Variants in CBLN2 observed in about 807,000 individuals in gnomAD.
CBLN2 encodes cerebellin-2.
In CBLN2, 7 loss-of-function variants were observed where a neutral mutation model predicts 15.0. That is an observed-to-expected ratio of 0.47 (90% CI 0.27 to 0.88). The LOEUF (loss-of-function observed/expected upper bound fraction) is 0.88, where lower values mean the gene tolerates loss of function less well. Among genes scored for constraint, CBLN2 ranks in the 40% least tolerant of loss-of-function variants. The pLI is 0.14. For synonymous variants in CBLN2, 149 were observed against 135.2 expected, an observed-to-expected ratio of 1.10 and a Z score of -0.71; for missense variants, 242 against 304.5, an observed-to-expected ratio of 0.79 and a Z score of 1.53.
At chr18:72,556,541 A>G (rs2069227965) in intron 1 of CBLN2, among the ~76,000 whole-genome samples, 1 of 152,234 alleles carries the variant, frequency 6.6e-6, no homozygotes, top group African/African-American at 2.4e-5. Context: ...TGTTGCCTGC[A>G]TTTGGTGTGG....
chr18:72,538,068 G>T lies in CBLN2; in HGVS notation c.*108C>A. On this transcript the variant is annotated 3_prime_UTR_variant, in exon 5 of 5. Coordinates refer to ENST00000269503, the MANE Select transcript of CBLN2 (RefSeq NM_182511.4). ...AATCATTCTTCTACTGCAACAGTCT[G>T]ACGGAGGTTGGAAACAAGGTGTCCA... The T allele has an allele frequency of 9.2e-7, 1 of 1,087,904 alleles. No homozygotes were observed. The highest frequency in any genetic ancestry group is 1.4e-5 in the South Asian group (1 of 72,372). 67.4% of individuals were successfully genotyped at this position (1,087,904 alleles called of 1,614,324 possible). A position where few individuals can be genotyped will look rare whatever the true frequency, so the allele number is the denominator to read the frequency against.
At chr18:72,622,765 A>T (rs2144968536) in intron 1 of CBLN2, among the ~76,000 whole-genome samples, 1 of 152,302 alleles carries the variant, frequency 6.6e-6, no homozygotes, top group South Asian at 2.1e-4. Context: ...CTGTAGTGAA[A>T]AATGACAGGT....
chr18:72,602,427 C>T (rs1467795795), intron 1 of CBLN2, among the ~76,000 whole-genome samples: 1 of 152,144 alleles, frequency 6.6e-6, no homozygotes, highest in Non-Finnish European at 1.5e-5. Flanking sequence ...TCTCTTTCTT[C>T]TGTCAACATT....
At chr18:72,563,206 C>T (rs527589423) in intron 1 of CBLN2, among the ~76,000 whole-genome samples, 1 of 152,136 alleles carries the variant, frequency 6.6e-6, no homozygotes, top group Non-Finnish European at 1.5e-5. Context: ...AAAGGGAAAC[C>T]TAAAAGATGC....
At chr18:72,589,096 G>A (rs892387517) in intron 1 of CBLN2, among the ~76,000 whole-genome samples, 1 of 152,088 alleles carries the variant, frequency 6.6e-6, no homozygotes, top group Non-Finnish European at 1.5e-5. Context: ...TCGGTGGGAG[G>A]CAAGAATGGA....
chr18:72,622,350 T>A (rs760873349), intron 1 of CBLN2, among the ~76,000 whole-genome samples: 1 of 151,996 alleles, frequency 6.6e-6, no homozygotes, highest in Admixed American at 6.6e-5. Context: ...TTTAATCAGA[T>A]GCAACTAGAT....
chr18:72,542,597 G>A (rs1033663618), intron 2 of CBLN2, among the ~76,000 whole-genome samples: 3 of 152,218 alleles, frequency 2.0e-5, no homozygotes, highest in Admixed American at 6.5e-5. Context: ...TCGCTAAGAC[G>A]GGCCCCGAGA....
At chr18:72,550,997 A>G (rs140093978) in intron 1 of CBLN2, among the ~76,000 whole-genome samples, 1 of 152,218 alleles carries the variant, frequency 6.6e-6, no homozygotes, top group South Asian at 2.1e-4. Flanking sequence ...TGCAGGGCAC[A>G]GTGTAAGAGT....
intron 1 of CBLN2, among the ~76,000 whole-genome samples, chr18:72,601,882 C>T (rs546370887): frequency 2.2e-4 from 34 of 152,322 alleles, no homozygotes; most frequent in African/African-American, 7.7e-4. Flanking sequence ...TTCCTTCTCC[C>T]TTTGGCTCTA....
intron 1 of CBLN2, among the ~76,000 whole-genome samples, chr18:72,623,101 G>T (rs1330812296): frequency 6.6e-6 from 1 of 152,058 alleles, no homozygotes; most frequent in Non-Finnish European, 1.5e-5. Flanking sequence ...GAGAGCGAAG[G>T]GGGAGGTGCT....
At chr18:72,564,660 A>G (rs1256077593) in intron 1 of CBLN2, among the ~76,000 whole-genome samples, 3 of 152,236 alleles carry the variant, frequency 2.0e-5, no homozygotes, top group African/African-American at 7.2e-5. Context: ...ATGAGATACC[A>G]TTATGTGAAC....
chr18:72,615,204 A>C (rs1255960945), intron 1 of CBLN2, among the ~76,000 whole-genome samples: 1 of 136,664 alleles, frequency 7.3e-6, no homozygotes, highest in Admixed American at 7.9e-5. Context: ...ATATATATTT[A>C]TATATGTGTA....
At chr18:72,625,812 CTCTCTCTA>C (rs58210194) in intron 1 of CBLN2, among the ~76,000 whole-genome samples, 6,896 of 68,652 alleles carry the variant, frequency 0.1, 199 homozygotes, top group African/African-American at 0.14. Context: ...CTCTCTCTCT[CTCTCTCTA>C]TATATATATA....
rs77978175 is a variant in CBLN2, at chr18:72,622,392, A to G, written c.15+15933T>C. Among the ~76,000 whole-genome samples the G allele has an allele frequency of 5.3e-5, 8 of 152,034 alleles. No individual in the cohort carries two copies. The East Asian group carries it at 1.5e-3, about 29-fold the overall frequency. On this transcript the variant is annotated intron_variant, in intron 1 of 2. Coordinates refer to the CBLN2 transcript ENST00000581073. ...AGCTAAGGTTGACTTTCTGGGGCCA[A>G]TGCTTACAATGCCCTCTTGGAAACC...
chr18:72,572,640 A>G (rs1341654979), intron 1 of CBLN2, among the ~76,000 whole-genome samples: 2 of 152,016 alleles, frequency 1.3e-5, no homozygotes, highest in Admixed American at 1.3e-4. Flanking sequence ...GCTGGTCTTC[A>G]ACTCCTAGCC....
At position 72,557,837 on chromosome 18, in the gene CBLN2, T is replaced by C. The variant is rs139345661; in HGVS notation, c.16-19065A>G. Among the ~76,000 whole-genome samples the C allele has an allele frequency of 1.9e-3, 293 of 152,210 alleles. 1 individual carries two copies. The highest frequency in any genetic ancestry group is 6.8e-3 in the African/African-American group (282 of 41,526). ...AATAGTGAGGTGATGGGTTGATAGG[T>C]ACAACAAGCCACCACGGCACATGTT... On this transcript the variant is annotated intron_variant, in intron 1 of 2. Coordinates refer to the CBLN2 transcript ENST00000581073.
chr18:72,626,121 G>A (rs2069737880), intron 1 of CBLN2, among the ~76,000 whole-genome samples: 1 of 151,956 alleles, frequency 6.6e-6, no homozygotes, highest in Non-Finnish European at 1.5e-5. Context: ...TGAAATGACT[G>A]AAGGGTTATC....
intron 1 of CBLN2, among the ~76,000 whole-genome samples, chr18:72,590,520 T>G (rs1159751035): frequency 1.3e-5 from 2 of 152,218 alleles, no homozygotes; most frequent in African/African-American, 4.8e-5. Context: ...GAAATTGTAT[T>G]TGTTTTAGAA....
chr18:72,622,889 T>C (rs2069710479), intron 1 of CBLN2, among the ~76,000 whole-genome samples: 1 of 152,208 alleles, frequency 6.6e-6, no homozygotes, highest in Admixed American at 6.5e-5. Context: ...ACATAACTTA[T>C]GGATATGTAC....
Sources: allele counts gnomAD v4.1 joint callset (sites outside exome capture counted in the v4.1 genomes callset), GRCh38; gene constraint gnomAD v4.1.1; transcripts MANE v1.5; gene names NCBI Gene and HGNC (gene_info 2026-07-23, HGNC 2026-07-21).